The following DPY19L2 variants were observed in gnomAD, a reference collection of about 807,000 sequenced individuals.
DPY19L2 encodes dpy-19 like 2.
A neutral mutation model predicts 97.9 loss-of-function variants in DPY19L2; 34 were observed. That is an observed-to-expected ratio of 0.35 (90% CI 0.26 to 0.46). The LOEUF is 0.46. DPY19L2 is among the 20% of genes least tolerant of loss of function. The probability of loss-of-function intolerance (pLI) is 1.00; values close to 1 mark genes in which losing one functional copy is unlikely to be tolerated. For missense variants in DPY19L2, 623 were observed against 911.4 expected (o/e 0.68, Z 4.07); for synonymous variants, 230 against 307.9 (o/e 0.75, Z 2.65).
intron 19 of DPY19L2, among the ~76,000 whole-genome samples, chr12:63,580,402 T>TA (rs769082192): frequency 9.2e-5 from 14 of 152,182 alleles, no homozygotes; most frequent in Non-Finnish European, 2.1e-4. Flanking sequence ...GAAAAATCAT[T>TA]AATTTCCTGG....
intron 7 of DPY19L2, among the ~76,000 whole-genome samples, chr12:63,625,426 T>C (rs183015625): frequency 5.2e-4 from 79 of 151,902 alleles, no homozygotes; most frequent in African/African-American, 1.9e-3. Context: ...TTCTACCCTA[T>C]GTAACCTGTG....
At chr12:63,580,864 A>G (rs1592424129) in intron 18 of DPY19L2, 28 bp from the exon 19 acceptor site, 1 of 1,605,012 alleles carries the variant, frequency 6.2e-7, no homozygotes, top group East Asian at 2.2e-5. Context: ...GTTTATTTCT[A>G]GTTCTTATAT....
chr12:63,613,769 A>C (rs1887389030), intron 11 of DPY19L2, among the ~76,000 whole-genome samples: 1 of 152,088 alleles, frequency 6.6e-6, no homozygotes, highest in Non-Finnish European at 1.5e-5. Context: ...AGAAACTTTT[A>C]GAAATAAAAA....
At chr12:63,622,220 T>C (rs1234567868) in intron 8 of DPY19L2, among the ~76,000 whole-genome samples, 1 of 152,156 alleles carries the variant, frequency 6.6e-6, no homozygotes. Context: ...AATTAAGACA[T>C]TTTATTCCAT....
intron 4 of DPY19L2, chr12:63,651,638 C>G: frequency 2.7e-6 from 1 of 375,442 alleles, no homozygotes; most frequent in Non-Finnish European, 5.4e-6. Flanking sequence ...TGGCAAAAAT[C>G]TCCGGCCCTA....
chr12:63,658,045 G>A (rs138521892), intron 4 of DPY19L2, among the ~76,000 whole-genome samples: 2,105 of 152,162 alleles, frequency 0.014, 25 homozygotes, highest in Non-Finnish European at 0.021. Context: ...CAGTTTGTCC[G>A]GCTATTTTCC....
At chr12:63,605,717 A>G (rs1885923742) in intron 12 of DPY19L2, among the ~76,000 whole-genome samples, 1 of 152,188 alleles carries the variant, frequency 6.6e-6, no homozygotes, top group South Asian at 2.1e-4. Flanking sequence ...GAGCATTATA[A>G]ATTTATAAAG....
intron 11 of DPY19L2, 87 bp downstream of exon 11, chr12:63,617,217 C>T: frequency 1.4e-6 from 1 of 711,464 alleles, no homozygotes; most frequent in Admixed American, 3.1e-5. Context: ...AGGAAAGGGC[C>T]TATTTATTCT....
chr12:63,650,420 C>A (rs1894042825), intron 4 of DPY19L2, among the ~76,000 whole-genome samples: 1 of 151,982 alleles, frequency 6.6e-6, no homozygotes, highest in African/African-American at 2.4e-5. Flanking sequence ...CTAGAAAGCC[C>A]CATAGTCTCT....
intron 6 of DPY19L2, among the ~76,000 whole-genome samples, chr12:63,630,042 G>T (rs1373023989): frequency 6.6e-6 from 1 of 152,120 alleles, no homozygotes; most frequent in Non-Finnish European, 1.5e-5. Flanking sequence ...CACCAGGCCA[G>T]CCCTAAAAGA....
chr12:63,582,831 A>ATACTG (rs1421420173), intron 17 of DPY19L2, among the ~76,000 whole-genome samples: 1 of 152,168 alleles, frequency 6.6e-6, no homozygotes, highest in East Asian at 1.9e-4. Flanking sequence ...CTGTAAGGCA[A>ATACTG]TAAGTGCAGT....
chr12:63,639,080 C>T (rs551628927), intron 6 of DPY19L2, among the ~76,000 whole-genome samples: 8 of 152,102 alleles, frequency 5.3e-5, no homozygotes, highest in Non-Finnish European at 1.0e-4. Context: ...CTTTGACAAA[C>T]TTGACAAAAA....
At chr12:63,580,883 C>T (rs1565710925) in intron 18 of DPY19L2, 47 bp from the exon 19 acceptor site, 1 of 1,569,238 alleles carries the variant, frequency 6.4e-7, no homozygotes, top group Non-Finnish European at 8.6e-7. Context: ...ATGAAGAGTA[C>T]CGTAGGGTCA....
rs983385918 is a variant in DPY19L2, at chr12:63,579,053, T to C, written c.1900+1609A>G. Among the ~76,000 whole-genome samples, 12 of 152,066 alleles carry C rather than the reference T, an allele frequency of 7.9e-5. 1 individual carries two copies. The highest frequency in any genetic ancestry group is 1.2e-4 in the Non-Finnish European group (8 of 67,992). On this transcript the variant is annotated intron_variant, in intron 19 of 21. Transcript: ENST00000324472. ...TCCAGCAAGAGCTGGACCCACTGAG[T>C]TGTCATCTATGGCAGACGGAGAGGA...
rs1467615389 is a variant in DPY19L2 at position 63,570,812 on chromosome 12, A to T, written c.1946T>A (p.Leu649Gln). 3.1e-6 allele frequency: 5 copies of T among 1,612,818 alleles called. No homozygotes were observed. The highest frequency in any genetic ancestry group is 4.2e-6 in the Non-Finnish European group (5 of 1,179,434). Residue 649 changes from leucine (L) to glutamine (Q), a missense_variant, in exon 20 of 22, where the codon CTG becomes CAG. Physicochemically the swap from Leu to Gln is moderately radical, Grantham distance 113. This residue lies in a region of DPY19L2 where 294 missense variants were observed against 446.2 expected (regional missense o/e 0.66). Coordinates refer to ENST00000324472, the MANE Select transcript of DPY19L2 (RefSeq NM_173812.5). ...ATTCACAATGGGATGAAGTGTAGAC[A>T]GCTTGATGCTTGCCATTGTAGGCAT... ...GAMPTMASIK[L>Q]STLHPIVNHP...
At chr12:63,648,244 T>C (rs1330176766) in intron 4 of DPY19L2, among the ~76,000 whole-genome samples, 1 of 152,072 alleles carries the variant, frequency 6.6e-6, no homozygotes. Context: ...GACTCCAGAA[T>C]TGTGAGATAT....
rs183417729 is a variant in DPY19L2, at chr12:63,634,381, C to T, written c.804-7855G>A. On this transcript the variant is annotated intron_variant, in intron 6 of 21. Transcript: ENST00000324472. The stretch of plus-strand genomic sequence containing the variant: ...TCCAGTCTACAGCTCCCAGCACGAG[C>T]GACACAGAAGACGGGTGATTTCTGC... Among the ~76,000 whole-genome samples the T allele has an allele frequency of 6.3e-3, 964 of 152,106 alleles. 5 individuals carry two copies. Among genetic ancestry groups the T allele is most frequent in the South Asian group, 0.031 (149 of 4,816 alleles).
intron 12 of DPY19L2, among the ~76,000 whole-genome samples, chr12:63,602,089 A>G (rs1199408118): frequency 6.6e-6 from 1 of 152,132 alleles, no homozygotes; most frequent in Non-Finnish European, 1.5e-5. Flanking sequence ...CACAAAACAG[A>G]AGAATATTAT....
At chr12:63,623,067 T>C (rs1280748356) in intron 8 of DPY19L2, among the ~76,000 whole-genome samples, 3 of 151,958 alleles carry the variant, frequency 2.0e-5, no homozygotes, top group East Asian at 3.8e-4. Context: ...CTCTGGGAGT[T>C]TGGAGGAGAT....
Sources: gnomAD v4.1 joint callset for allele counts (sites outside exome capture counted in the v4.1 genomes callset) on GRCh38, gnomAD v4.1.1 for gene constraint, gnomAD v4.1.1 regional missense constraint, MANE v1.5 for transcripts, NCBI Gene and HGNC (gene_info 2026-07-23, HGNC 2026-07-21) for gene names.